EXO1: variants seen among roughly 807,000 people sequenced by gnomAD.
The protein encoded by EXO1 is exonuclease 1.
EXO1 carries 69 observed loss-of-function variants against 84.5 expected under a neutral mutation model. The observed-to-expected ratio is 0.82, with a 90% CI of 0.67 to 1.00. The LOEUF (loss-of-function observed/expected upper bound fraction) is 1.00, where lower values mean the gene tolerates loss of function less well. Ranked by LOEUF, EXO1 falls within the 50% of genes least tolerant of loss-of-function variation. EXO1 has a pLI of 0.00. For synonymous variants in EXO1, 373 were observed against 366.1 expected, an observed-to-expected ratio of 1.02 and a Z score of -0.21; for missense variants, 1,045 against 1,000.7, an observed-to-expected ratio of 1.04 and a Z score of -0.60.
chr1:241,861,332 A>C (rs1023799244), intron 9 of EXO1, 74 bp from the exon 10 acceptor site: 1 of 817,860 alleles, frequency 1.2e-6, no homozygotes, highest in Non-Finnish European at 2.2e-6. Flanking sequence ...AATAGAAAAC[A>C]TTTTTCCATC....
chr1:241,862,213 C>G (rs4149927), intron 10 of EXO1, among the ~76,000 whole-genome samples: 1 of 152,198 alleles, frequency 6.6e-6, no homozygotes, highest in African/African-American at 2.4e-5. Context: ...GCTGGGATTA[C>G]AGGCGTGAGC....
At chr1:241,849,974 G>T (rs541343443) in intron 3 of EXO1, among the ~76,000 whole-genome samples, 2 of 152,306 alleles carry the variant, frequency 1.3e-5, no homozygotes, top group African/African-American at 4.8e-5. Flanking sequence ...AAAGAGCAGT[G>T]ATTCTTGAAT....
chr1:241,878,751 T>A lies in EXO1; in HGVS notation c.1517T>A (p.Phe506Tyr). Residue 506 changes from phenylalanine (F) to tyrosine (Y), a missense_variant and splice_region_variant, in exon 13 of 16, where the codon TTT becomes TAT. Transcript: ENST00000366548. Reference sequence around the variant, plus strand: ...GTTTCTATTGCTTTTTTTATTAGGTTTTTTTGCAGTTCAGATTCTACTGAC... The same window carrying A: ...GTTTCTATTGCTTTTTTTATTAGGTATTTTTGCAGTTCAGATTCTACTGAC... ...AVVVPGTRSR[F>Y]FCSSDSTDCV... is the part of the protein sequence containing the mutation. 1.9e-6 allele frequency: 3 copies of A among 1,605,396 alleles called. No individual in the cohort carries two copies. The highest frequency in any genetic ancestry group is 2.6e-6 in the Non-Finnish European group (3 of 1,173,878).
chr1:241,879,682 A>G (rs1484521581), intron 13 of EXO1, among the ~76,000 whole-genome samples: 4 of 152,176 alleles, frequency 2.6e-5, no homozygotes, highest in African/African-American at 7.2e-5. Flanking sequence ...TAAATCCTTA[A>G]TATGCTCTTG....
At chr1:241,861,626 G>A (rs4149920) in intron 10 of EXO1, 124 bp downstream of exon 10, 3 of 703,142 alleles carry the variant, frequency 4.3e-6, no homozygotes, top group South Asian at 3.0e-5. Context: ...TGTGCAGAAT[G>A]TACATTAAAA....
chr1:241,867,221 A>G (rs980102727), intron 11 of EXO1, among the ~76,000 whole-genome samples, 166 bp downstream of exon 11: 1 of 152,238 alleles, frequency 6.6e-6, no homozygotes, highest in Non-Finnish European at 1.5e-5. Flanking sequence ...AGACTGGGCA[A>G]TTTACAAAAG....
At position 241,889,595 on chromosome 1, in the gene EXO1, CA is replaced by C. The variant is rs1558151901; in HGVS notation, c.2537del (p.Gln846ArgfsTer68). The C allele has an allele frequency of 6.2e-7, 1 of 1,613,950 alleles. No individual in the cohort carries two copies. The highest frequency in any genetic ancestry group is 1.1e-5 in the South Asian group (1 of 91,086). Reference protein sequence around the residue: ...ECGRVQRAIFQ With the variant: ...ECGRVQRAIFX ...TGGCCGTGTTCAAAGAGCAATATTC[CA>C]GTAAATGCAGACTGCTGCAAAGCTT... On this transcript the variant is annotated frameshift_variant, in exon 16 of 16. Coordinates refer to ENST00000366548, the MANE Select transcript of EXO1 (RefSeq NM_130398.4). LOFTEE classifies it high-confidence loss of function.
chr1:241,872,226 CA>C lies in EXO1; in HGVS notation c.1465del (p.Arg489GlyfsTer32). On this transcript the variant is annotated frameshift_variant, in exon 12 of 16. Coordinates refer to ENST00000366548, the MANE Select transcript of EXO1 (RefSeq NM_130398.4). LOFTEE classifies it high-confidence loss of function. ...GAGAAATAAATTTGCAACATTTTTA[CA>C]AAGGAAAAATGAAGAAAGTGGTGCA... ...RTRNKFATFL[Q>X]RKNEESGAVV... is the part of the protein sequence containing the mutation. 1 of 1,613,948 alleles carries C rather than the reference CA, an allele frequency of 6.2e-7. No individual in the cohort carries two copies. The highest frequency in any genetic ancestry group is 1.7e-5 in the Admixed American group (1 of 60,002).
intron 11 of EXO1, among the ~76,000 whole-genome samples, chr1:241,870,783 T>G (rs989921586): frequency 6.6e-6 from 1 of 152,226 alleles, no homozygotes; most frequent in East Asian, 1.9e-4. Flanking sequence ...GTATGTCATC[T>G]GGAAATTGAT....
intron 10 of EXO1, among the ~76,000 whole-genome samples, chr1:241,862,433 C>T (rs1210009550): frequency 6.6e-6 from 1 of 152,204 alleles, no homozygotes; most frequent in Non-Finnish European, 1.5e-5. Context: ...ACTCCAGTCT[C>T]TCGCCTGTGC....
intron 12 of EXO1, 116 bp from the exon 13 acceptor site, chr1:241,878,633 A>G (rs1662546444): frequency 1.5e-6 from 1 of 677,670 alleles, no homozygotes; most frequent in Admixed American, 2.8e-5. Flanking sequence ...GAAATTATAT[A>G]TTTATGAGAC....
In EXO1 at chr1:241,889,726, A is replaced by T; in HGVS notation, c.*126A>T. 1.1e-6 allele frequency: 1 copy of T among 943,176 alleles called. No individual in the cohort carries two copies. Among genetic ancestry groups the T allele is most frequent in the South Asian group, 1.3e-5 (1 of 74,428 alleles). The allele number at this position is 943,176 out of a possible 1,614,324, so 58.4% of individuals were successfully genotyped here. The stretch of plus-strand genomic sequence containing the variant: ...TTCTGTGCCATTTTAAAAATAGAAT[A>T]CATTTTGTATATTAACTTTATAATT... On this transcript the variant is annotated 3_prime_UTR_variant, in exon 16 of 16. Transcript: ENST00000366548.
At chr1:241,856,528 A>ACG (rs1367225386) in intron 6 of EXO1, among the ~76,000 whole-genome samples, 5 of 152,114 alleles carry the variant, frequency 3.3e-5, no homozygotes, top group African/African-American at 1.2e-4. Context: ...GTGTGTGTAT[A>ACG]TGTATACACA....
chr1:241,852,152 C>G, intron 4 of EXO1, 140 bp from the exon 5 acceptor site: 1 of 726,572 alleles, frequency 1.4e-6, no homozygotes, highest in Non-Finnish European at 2.3e-6. Flanking sequence ...GTTAGAGTTC[C>G]AATTCCTATG....
At chr1:241,868,374 CAAAAAAAAA>C (rs10591886) in intron 11 of EXO1, among the ~76,000 whole-genome samples, 62,880 of 116,306 alleles carry the variant, frequency 0.54, 13,949 homozygotes, top group East Asian at 0.74. Context: ...GAATCCATCT[CAAAAAAAAA>C]AAAAAAAAAA....
chr1:241,865,502 T>C (rs1635506), intron 10 of EXO1, among the ~76,000 whole-genome samples: 74,799 of 151,880 alleles, frequency 0.49, 18,540 homozygotes, highest in African/African-American at 0.51. Flanking sequence ...TGAGCCACCA[T>C]GCCTGGCCTA....
chr1:241,876,886 C>T (rs373828848), intron 12 of EXO1, among the ~76,000 whole-genome samples: 12 of 150,142 alleles, frequency 8.0e-5, no homozygotes, highest in African/African-American at 2.5e-4. Context: ...TTAGTTGAGT[C>T]GTCTTTCACA....
intron 11 of EXO1, among the ~76,000 whole-genome samples, chr1:241,870,975 T>C (rs1407906212): frequency 2.0e-5 from 3 of 152,208 alleles, no homozygotes; most frequent in Non-Finnish European, 4.4e-5. Context: ...GATATGGCTT[T>C]GCATTGTTGG....
At chr1:241,863,847 T>A (rs1046550951) in intron 10 of EXO1, among the ~76,000 whole-genome samples, 34 of 152,238 alleles carry the variant, frequency 2.2e-4, no homozygotes, top group African/African-American at 8.2e-4. Flanking sequence ...TTTCAAGTGC[T>A]TAGTGGTTAG....
Sources: allele counts gnomAD v4.1 joint callset (sites outside exome capture counted in the v4.1 genomes callset), GRCh38; gene constraint gnomAD v4.1.1; transcripts MANE v1.5; gene names NCBI Gene and HGNC (gene_info 2026-07-23, HGNC 2026-07-21).